Variants in SNX9 observed in about 807,000 individuals in gnomAD.
The protein encoded by SNX9 is sorting nexin 9.
In SNX9, 44 loss-of-function variants were observed where a neutral mutation model predicts 89.4. The ratio of observed to expected loss-of-function variants is 0.49; its 90% CI spans 0.39 to 0.63. The LOEUF (loss-of-function observed/expected upper bound fraction) is 0.63, where lower values mean the gene tolerates loss of function less well. Ranked by LOEUF, SNX9 falls within the 30% of genes least tolerant of loss-of-function variation. The probability of loss-of-function intolerance (pLI) is 0.00; values close to 1 mark genes in which losing one functional copy is unlikely to be tolerated. For missense variants in SNX9, 578 were observed against 736.1 expected (o/e 0.79, Z 2.49); for synonymous variants, 236 against 247.8 (o/e 0.95, Z 0.45).
At position 157,827,856 on chromosome 6, in the gene SNX9, C is replaced by T. The variant is rs567128939; in HGVS notation, c.12+4410C>T. On this transcript the variant is annotated intron_variant, in intron 1 of 17. Coordinates refer to ENST00000392185, the MANE Select transcript of SNX9 (RefSeq NM_016224.5). ...AACTATAACAAGATTCTAGGAGTTC[C>T]TGATGCTTTTTTTTTTTTTTTAACT... is the stretch of plus-strand genomic sequence containing the variant. Among the ~76,000 whole-genome samples, 730 of 145,600 alleles carry T rather than the reference C, an allele frequency of 5.0e-3. 7 individuals carry two copies. The highest frequency in any genetic ancestry group is 0.019 in the African/African-American group (700 of 37,162).
At chr6:157,869,322 C>T (rs1036951914) in intron 2 of SNX9, among the ~76,000 whole-genome samples, 2 of 152,160 alleles carry the variant, frequency 1.3e-5, no homozygotes, top group African/African-American at 4.8e-5. Context: ...CTGCAGCTTC[C>T]TCCTGTGGCT....
chr6:157,909,782 A>T lies in SNX9; in HGVS notation c.823A>T (p.Thr275Ser), dbSNP rs1157525224. The change falls in exon 8 of 18, where the codon ACA (threonine) becomes TCA (serine). Residue 275 changes from threonine (T) to serine (S), a missense_variant. By Grantham distance (58) the Thr-to-Ser change is moderately conservative (BLOSUM62 1). This residue lies in a region of SNX9 where 348 missense variants were observed against 491.4 expected (regional missense o/e 0.71). Coordinates refer to ENST00000392185, the MANE Select transcript of SNX9 (RefSeq NM_016224.5). ...GLKSYIEYQL[T>S]PTNTNRSVNH... ...AAAGAGCTACATCGAATATCAGCTA[A>T]CACCTACTGTAAGTATCCACGTTAT... The T allele has an allele frequency of 6.2e-7, 1 of 1,614,108 alleles. No individual in the cohort carries two copies. Among genetic ancestry groups the T allele is most frequent in the Admixed American group, 1.7e-5 (1 of 60,022 alleles).
chr6:157,859,458 C>T (rs947754007), intron 1 of SNX9, among the ~76,000 whole-genome samples: 4 of 152,178 alleles, frequency 2.6e-5, no homozygotes, highest in African/African-American at 9.7e-5. Context: ...TCCATTTTGA[C>T]AGCATAGCCT....
At chr6:157,834,175 T>TTG (rs1724107977) in intron 1 of SNX9, among the ~76,000 whole-genome samples, 3 of 120,764 alleles carry the variant, frequency 2.5e-5, no homozygotes, top group African/African-American at 1.0e-4. Context: ...TTTTTTTTTT[T>TTG]TTTTTTTTTT....
intron 12 of SNX9, among the ~76,000 whole-genome samples, chr6:157,930,589 C>T (rs905725527): frequency 2.6e-5 from 4 of 152,170 alleles, no homozygotes; most frequent in African/African-American, 4.8e-5. Flanking sequence ...GTCAGATCAG[C>T]GGTGGCATTA....
intron 4 of SNX9, among the ~76,000 whole-genome samples, chr6:157,895,973 C>CG (rs1782969489): frequency 6.6e-6 from 1 of 152,202 alleles, no homozygotes; most frequent in Non-Finnish European, 1.5e-5. Context: ...TTAACCCTTA[C>CG]GAAAAAGTAA....
At chr6:157,873,668 C>G (rs577701196) in intron 3 of SNX9, among the ~76,000 whole-genome samples, 106 of 150,054 alleles carry the variant, frequency 7.1e-4, no homozygotes, top group African/African-American at 2.3e-3. Flanking sequence ...ACACATATAA[C>G]GTATTTTTCC....
intron 16 of SNX9, among the ~76,000 whole-genome samples, chr6:157,940,233 C>G (rs1213625822): frequency 2.6e-5 from 4 of 152,238 alleles, no homozygotes; most frequent in Non-Finnish European, 5.9e-5. Context: ...AGTGCAGACA[C>G]ACCAGAGGCT....
At chr6:157,925,086 C>T (rs548376310) in intron 10 of SNX9, among the ~76,000 whole-genome samples, 1 of 151,978 alleles carries the variant, frequency 6.6e-6, no homozygotes, top group African/African-American at 2.4e-5. Flanking sequence ...CCATGACAAG[C>T]GAAAAACAAG....
rs113787024 is a variant in SNX9 at position 157,878,813 on chromosome 6, C to T, written c.300+3637C>T. On this transcript the variant is annotated intron_variant, in intron 4 of 17. Coordinates refer to ENST00000392185, the MANE Select transcript of SNX9 (RefSeq NM_016224.5). ...ATTAAATTAGCAAAAATACTTCTGA[C>T]TTATGACGGATACAGGCTAATTCCA... Among the ~76,000 whole-genome samples, 1,029 of 152,266 alleles carry T rather than the reference C, an allele frequency of 6.8e-3. 1 individual carries two copies. Among genetic ancestry groups the T allele is most frequent in the Non-Finnish European group, 0.012 (787 of 68,016 alleles).
At chr6:157,938,405 A>G (rs552438917) in intron 15 of SNX9, among the ~76,000 whole-genome samples, 1 of 152,340 alleles carries the variant, frequency 6.6e-6, no homozygotes, top group South Asian at 2.1e-4. Context: ...TTGTTGTAGC[A>G]TAAAACTGTT....
At chr6:157,895,462 T>C (rs1782959188) in intron 4 of SNX9, among the ~76,000 whole-genome samples, 1 of 152,138 alleles carries the variant, frequency 6.6e-6, no homozygotes, top group Admixed American at 6.5e-5. Context: ...TCCGATCACA[T>C]GGTATTATAG....
chr6:157,875,237 G>A lies in SNX9; in HGVS notation c.300+61G>A, dbSNP rs117691654. ...TTTACGGAAAACAGAGCGTATTTGTGAAGGCTTGTGATGCATTATAGCTAT... is the reference window on the plus strand; with the variant it reads ...TTTACGGAAAACAGAGCGTATTTGTAAAGGCTTGTGATGCATTATAGCTAT... On this transcript the variant is annotated intron_variant, in intron 4 of 17. Coordinates refer to ENST00000392185, the MANE Select transcript of SNX9 (RefSeq NM_016224.5). The A allele has an allele frequency of 5.2e-4, 811 of 1,553,476 alleles. 11 individuals carry two copies. In the East Asian group the frequency reaches 0.017, roughly 32 times the overall value.
chr6:157,869,454 C>A (rs1289769147), intron 2 of SNX9, among the ~76,000 whole-genome samples: 1 of 152,176 alleles, frequency 6.6e-6, no homozygotes, highest in African/African-American at 2.4e-5. Flanking sequence ...CTCTGTATTT[C>A]TCTGTATTTC....
chr6:157,846,929 C>G (rs1781816629), intron 1 of SNX9, among the ~76,000 whole-genome samples: 1 of 152,096 alleles, frequency 6.6e-6, no homozygotes, highest in South Asian at 2.1e-4. Flanking sequence ...TGCCTGCAGT[C>G]CCAGCTACTT....
At chr6:157,941,898 C>T (rs1332986780) in intron 17 of SNX9, among the ~76,000 whole-genome samples, 1 of 152,246 alleles carries the variant, frequency 6.6e-6, no homozygotes, top group Admixed American at 6.5e-5. Flanking sequence ...GCCCTATGCT[C>T]TTTAAATGCA....
rs190709900 is a variant in SNX9 at position 157,897,976 on chromosome 6, C to T, written c.472+978C>T. Among the ~76,000 whole-genome samples the T allele has an allele frequency of 2.9e-3, 440 of 152,284 alleles. 2 individuals carry two copies. The highest frequency in any genetic ancestry group is 2.5e-3 in the Non-Finnish European group (167 of 68,020). On this transcript the variant is annotated intron_variant, in intron 5 of 17. Transcript: ENST00000392185. ...TCATTTGAACAAAAGATGCTCCTAC[C>T]ACCCGGGAAATTCCAAGGGTTAGGA... is the stretch of plus-strand genomic sequence containing the variant.
chr6:157,839,847 C>T (rs989392123), intron 1 of SNX9, among the ~76,000 whole-genome samples: 1 of 152,202 alleles, frequency 6.6e-6, no homozygotes, highest in Non-Finnish European at 1.5e-5. Flanking sequence ...TGCTTGAGGA[C>T]ATGGTAACCA....
intron 3 of SNX9, among the ~76,000 whole-genome samples, chr6:157,873,527 A>G (rs1000941827): frequency 6.3e-5 from 9 of 142,482 alleles, no homozygotes; most frequent in Middle Eastern, 3.6e-3. Flanking sequence ...ATATGAAATT[A>G]TATCTCAATA....
Sources: gnomAD v4.1 joint callset for allele counts (sites outside exome capture counted in the v4.1 genomes callset) on GRCh38, gnomAD v4.1.1 for gene constraint, gnomAD v4.1.1 regional missense constraint, MANE v1.5 for transcripts, NCBI Gene and HGNC (gene_info 2026-07-23, HGNC 2026-07-21) for gene names.